The following TAS2R1 variants were observed in gnomAD, a reference collection of about 807,000 sequenced individuals.
The protein encoded by TAS2R1 is taste 2 receptor member 1, also known as taste receptor type 2 member 1.
For missense variants in TAS2R1, 370 were observed against 353.4 expected, an observed-to-expected ratio of 1.05 and a Z score of -0.38; for synonymous variants, 141 against 134.2, an observed-to-expected ratio of 1.05 and a Z score of -0.35.
chr5:9,895,478 G>C, the TAS2R1 span, among the ~76,000 whole-genome samples: 1 of 152,224 alleles, frequency 6.6e-6, no homozygotes, highest in African/African-American at 2.4e-5. Context: ...CCGGGCAGCA[G>C]GCAGTCTGCT....
intron 1 of TAS2R1, among the ~76,000 whole-genome samples, chr5:9,671,846 CA>C (rs202221952): frequency 2.6e-5 from 4 of 151,622 alleles, no homozygotes; most frequent in South Asian, 2.1e-4. Context: ...CAATCCTAAG[CA>C]AAAAAAATAA....
the TAS2R1 span, among the ~76,000 whole-genome samples, chr5:9,807,584 T>C: frequency 6.6e-6 from 1 of 152,106 alleles, no homozygotes; most frequent in Admixed American, 6.6e-5. Context: ...GAAAAAGGAA[T>C]TAAGTAATGG....
chr5:9,770,704 C>G, the TAS2R1 span, among the ~76,000 whole-genome samples: 3 of 151,918 alleles, frequency 2.0e-5, no homozygotes, highest in African/African-American at 7.3e-5. Flanking sequence ...TTGGATTGTT[C>G]ACTGTTGGCA....
At chr5:9,769,457 G>T in the TAS2R1 span, among the ~76,000 whole-genome samples, 1 of 152,058 alleles carries the variant, frequency 6.6e-6, no homozygotes, top group Non-Finnish European at 1.5e-5. Flanking sequence ...TTATATAAAG[G>T]TTCTATTTAT....
chr5:9,840,447 TG>T, the TAS2R1 span, among the ~76,000 whole-genome samples: 2 of 152,220 alleles, frequency 1.3e-5, no homozygotes, highest in Admixed American at 1.3e-4. Context: ...TATCTTTTGG[TG>T]GTGACTATAA....
the TAS2R1 span, among the ~76,000 whole-genome samples, chr5:9,830,625 A>G: frequency 6.6e-6 from 1 of 152,130 alleles, no homozygotes; most frequent in African/African-American, 2.4e-5. Flanking sequence ...ACACACACAC[A>G]CACACACACA....
chr5:9,765,784 C>T, the TAS2R1 span: 8 of 152,182 alleles, frequency 5.3e-5, no homozygotes, highest in African/African-American at 1.9e-4. Flanking sequence ...CATTCTATAG[C>T]AAGTTCTCAC....
At chr5:9,722,776 T>C in the TAS2R1 span, among the ~76,000 whole-genome samples, 1 of 152,254 alleles carries the variant, frequency 6.6e-6, no homozygotes, top group Non-Finnish European at 1.5e-5. Context: ...TGAGCAAGCA[T>C]ATTCACAACC....
the TAS2R1 span, among the ~76,000 whole-genome samples, chr5:9,835,788 T>C: frequency 6.6e-6 from 1 of 152,200 alleles, no homozygotes; most frequent in East Asian, 1.9e-4. Context: ...AGAACCTCTC[T>C]CAACTCAGTG....
chr5:9,699,407 T>C (rs41487), intron 1 of TAS2R1, among the ~76,000 whole-genome samples: 66,332 of 152,020 alleles, frequency 0.44, 14,871 homozygotes, highest in Admixed American at 0.52. Context: ...CGATTTATTC[T>C]TCTGAGGATG....
At chr5:9,723,441 A>C in the TAS2R1 span, among the ~76,000 whole-genome samples, 1 of 152,166 alleles carries the variant, frequency 6.6e-6, no homozygotes, top group Non-Finnish European at 1.5e-5. Context: ...AATAAATTTG[A>C]AGAGATGAGG....
chr5:9,773,174 C>T, the TAS2R1 span, among the ~76,000 whole-genome samples: 1 of 151,048 alleles, frequency 6.6e-6, no homozygotes, highest in Non-Finnish European at 1.5e-5. Flanking sequence ...TTGTGTGTAT[C>T]TGTCATATGT....
intron 1 of TAS2R1, among the ~76,000 whole-genome samples, chr5:9,660,656 G>A (rs962365137): frequency 1.3e-5 from 2 of 152,150 alleles, no homozygotes; most frequent in African/African-American, 4.8e-5. Context: ...TTGTGACTAT[G>A]TCACCATACA....
the TAS2R1 span, among the ~76,000 whole-genome samples, chr5:9,835,321 C>A: frequency 5.3e-5 from 8 of 152,180 alleles, no homozygotes; most frequent in Non-Finnish European, 1.5e-5. Context: ...TGTGTCCCCA[C>A]ATTCATGTGA....
At chr5:9,670,428 C>T (rs1021564082) in intron 1 of TAS2R1, among the ~76,000 whole-genome samples, 9 of 152,136 alleles carry the variant, frequency 5.9e-5, no homozygotes, top group African/African-American at 1.7e-4. Flanking sequence ...AAGACAAATG[C>T]TGAGCTGTTT....
At chr5:9,857,167 A>G in the TAS2R1 span, among the ~76,000 whole-genome samples, 1 of 152,212 alleles carries the variant, frequency 6.6e-6, no homozygotes, top group Non-Finnish European at 1.5e-5. Context: ...GAGGAGATGA[A>G]GAGAAGTTGG....
chr5:9,835,684 T>G, the TAS2R1 span, among the ~76,000 whole-genome samples: 2 of 152,068 alleles, frequency 1.3e-5, no homozygotes, highest in Non-Finnish European at 2.9e-5. Flanking sequence ...CTGACAGTCA[T>G]GTCCTGCAAA....
the TAS2R1 span, among the ~76,000 whole-genome samples, chr5:9,777,917 A>C: frequency 7.2e-6 from 1 of 138,214 alleles, no homozygotes; most frequent in African/African-American, 2.7e-5. Context: ...TCTGTCGCCC[A>C]GGCCGGACTG....
At chr5:9,861,037 G>GTTTTTTTTTTTTTTT in the TAS2R1 span, among the ~76,000 whole-genome samples, 250 of 88,556 alleles carry the variant, frequency 2.8e-3, 21 homozygotes, top group Non-Finnish European at 4.1e-3. Flanking sequence ...GGAAGATGAG[G>GTTTTTTTTTTTTTTT]TTTTTTTTTT....
Sources: gnomAD v4.1 joint callset for allele counts (sites outside exome capture counted in the v4.1 genomes callset) on GRCh38, gnomAD v4.1.1 for gene constraint, MANE v1.5 for transcripts, NCBI Gene and HGNC (gene_info 2026-07-23, HGNC 2026-07-21) for gene names.